The following RALGAPA1 variants were observed in gnomAD, a reference collection of about 807,000 sequenced individuals.
RALGAPA1 encodes the protein ral GTPase-activating protein subunit alpha-1.
In RALGAPA1, 52 loss-of-function variants were observed where a neutral mutation model predicts 269.6. The observed-to-expected ratio is 0.19, with a 90% confidence interval of 0.15 to 0.24. The LOEUF is 0.24. Ranked by LOEUF, RALGAPA1 falls within the 10% of genes least tolerant of loss-of-function variation. The pLI, the probability that RALGAPA1 is intolerant of heterozygous loss-of-function variation, is 1.00. For missense variants in RALGAPA1, 1,917 were observed against 3,013.9 expected (o/e 0.64, Z 8.52); for synonymous variants, 817 against 1,008.3 (o/e 0.81, Z 3.60).
chr14:35,680,029 CACAT>C (rs1241342434), intron 21 of RALGAPA1, among the ~76,000 whole-genome samples: 1 of 152,080 alleles, frequency 6.6e-6, no homozygotes, highest in African/African-American at 2.4e-5. Context: ...TTAGGACAAA[CACAT>C]ACTGCTGAAG....
intron 27 of RALGAPA1, among the ~76,000 whole-genome samples, chr14:35,664,334 A>G (rs367677348): frequency 2.0e-4 from 31 of 152,344 alleles, no homozygotes; most frequent in Middle Eastern, 3.4e-3. Context: ...TAATCTCAGA[A>G]GCTTTACATT....
intron 30 of RALGAPA1, among the ~76,000 whole-genome samples, chr14:35,652,595 G>C (rs2062907455): frequency 6.6e-6 from 1 of 151,874 alleles, no homozygotes; most frequent in South Asian, 2.1e-4. Context: ...AGTAGAGACG[G>C]AGTTTCAACA....
At chr14:35,662,691 C>G (rs1264856224) in intron 27 of RALGAPA1, among the ~76,000 whole-genome samples, 1 of 152,092 alleles carries the variant, frequency 6.6e-6, no homozygotes, top group Non-Finnish European at 1.5e-5. Flanking sequence ...CTCAAAACTG[C>G]ATTAATAAAT....
rs148431873 is a variant in RALGAPA1 at position 35,715,457 on chromosome 14, C to A, written c.2266+6231G>T. 1.9e-3 allele frequency among the ~76,000 whole-genome samples: 296 copies of A among 151,926 alleles called. 1 individual carries two copies. The highest frequency in any genetic ancestry group is 6.8e-3 in the African/African-American group (282 of 41,428). On this transcript the variant is annotated intron_variant, in intron 16 of 41. Coordinates refer to ENST00000680220, the MANE Select transcript of RALGAPA1 (RefSeq NM_001346249.2). The stretch of plus-strand genomic sequence containing the variant: ...ATTTCAAACATGGTTATTTTATAGT[C>A]TGGTTATTTATTTATTTATTCCATA...
intron 39 of RALGAPA1, among the ~76,000 whole-genome samples, chr14:35,565,071 T>C (rs1281342801): frequency 6.6e-6 from 1 of 152,144 alleles, no homozygotes. Flanking sequence ...AAATCTTTAC[T>C]GTGTAAGTGA....
At chr14:35,797,858 A>T (rs946707772) in intron 1 of RALGAPA1, among the ~76,000 whole-genome samples, 3 of 150,562 alleles carry the variant, frequency 2.0e-5, no homozygotes, top group Non-Finnish European at 3.0e-5. Context: ...AAAAAAAAAA[A>T]TAGCTAAAAG....
intron 1 of RALGAPA1, among the ~76,000 whole-genome samples, chr14:35,800,140 T>G (rs2076865994): frequency 6.6e-6 from 1 of 152,176 alleles, no homozygotes; most frequent in Non-Finnish European, 1.5e-5. Flanking sequence ...ACAATTACAG[T>G]CAGAAACTTC....
intron 14 of RALGAPA1, among the ~76,000 whole-genome samples, chr14:35,724,764 C>T (rs1441751407): frequency 2.0e-5 from 3 of 152,040 alleles, no homozygotes; most frequent in Non-Finnish European, 4.4e-5. Context: ...ATATCATTAG[C>T]CTGTTTGTTC....
At chr14:35,645,468 C>T (rs552244177) in intron 31 of RALGAPA1, among the ~76,000 whole-genome samples, 1 of 152,032 alleles carries the variant, frequency 6.6e-6, no homozygotes, top group East Asian at 1.9e-4. Context: ...CAATGGCTCA[C>T]GCCTGTAATC....
intron 14 of RALGAPA1, among the ~76,000 whole-genome samples, chr14:35,724,799 T>C (rs2069736486): frequency 6.6e-6 from 1 of 152,174 alleles, no homozygotes; most frequent in African/African-American, 2.4e-5. Flanking sequence ...ACCTCCACTC[T>C]TATACTAGGT....
intron 1 of RALGAPA1, among the ~76,000 whole-genome samples, chr14:35,805,754 G>A (rs1026326983): frequency 3.3e-4 from 48 of 146,706 alleles, no homozygotes; most frequent in Non-Finnish European, 3.0e-4. Context: ...GCGTGATCTC[G>A]ACTCACCACA....
intron 1 of RALGAPA1, among the ~76,000 whole-genome samples, chr14:35,790,238 GT>G (rs1438597910): frequency 6.6e-6 from 1 of 150,712 alleles, no homozygotes; most frequent in Non-Finnish European, 1.5e-5. Context: ...GGACGACAGA[GT>G]GAGACTCGTC....
chr14:35,801,020 A>G (rs2076928092), intron 1 of RALGAPA1, among the ~76,000 whole-genome samples: 1 of 151,714 alleles, frequency 6.6e-6, no homozygotes, highest in South Asian at 2.1e-4. Flanking sequence ...CCCGCCTCCA[A>G]AAATAAAAAA....
chr14:35,754,720 T>C (rs2073025948), intron 7 of RALGAPA1, among the ~76,000 whole-genome samples: 1 of 152,282 alleles, frequency 6.6e-6, no homozygotes, highest in Admixed American at 6.5e-5. Flanking sequence ...TGTTATTATG[T>C]CCACACAAAA....
chr14:35,685,268 A>T (rs895602126), intron 19 of RALGAPA1, 123 bp from the exon 20 acceptor site: 15 of 830,486 alleles, frequency 1.8e-5, no homozygotes, highest in Non-Finnish European at 2.4e-5. Flanking sequence ...GTAGGAGTGG[A>T]GAACACACTC....
chr14:35,589,348 A>G (rs1355086491), intron 37 of RALGAPA1, among the ~76,000 whole-genome samples: 2 of 152,170 alleles, frequency 1.3e-5, no homozygotes, highest in African/African-American at 2.4e-5. Context: ...CAACATAATG[A>G]CTATAGTTAA....
intron 4 of RALGAPA1, 139 bp from the exon 5 acceptor site, chr14:35,762,892 C>A: frequency 1.7e-6 from 1 of 601,620 alleles, no homozygotes; most frequent in Admixed American, 3.1e-5. Flanking sequence ...TATCCTTCTG[C>A]CATACTTGGG....
chr14:35,689,545 T>C lies in RALGAPA1; in HGVS notation c.2866A>G (p.Lys956Glu), dbSNP rs2066300924. ...GCTGGGTCTTTCCCTGTCTCATTTTTACTATGATTTTCCTGGTTTTCCTTA... is the reference window on the plus strand; with the variant it reads ...GCTGGGTCTTTCCCTGTCTCATTTTCACTATGATTTTCCTGGTTTTCCTTA... ...YFKENQENHS[K>E]NETGKDPASQ... is the part of the protein sequence containing the mutation. The change falls in exon 18 of 42, where the codon AAA becomes GAA. Residue 956 changes from lysine to glutamate, a missense_variant. Transcript: ENST00000680220. The C allele has an allele frequency of 1.6e-6, 2 of 1,242,070 alleles. No individual in the cohort carries two copies. The highest frequency in any genetic ancestry group is 2.0e-6 in the Non-Finnish European group (2 of 994,954). 76.9% of individuals were successfully genotyped at this position (1,242,070 alleles called of 1,614,324 possible).
At chr14:35,803,575 A>T (rs1488810415) in intron 1 of RALGAPA1, among the ~76,000 whole-genome samples, 1 of 152,192 alleles carries the variant, frequency 6.6e-6, no homozygotes, top group Admixed American at 6.5e-5. Context: ...GACTGGGGAA[A>T]AAAAAATCTT....
Sources: allele counts gnomAD v4.1 joint callset (sites outside exome capture counted in the v4.1 genomes callset), GRCh38; gene constraint gnomAD v4.1.1; transcripts MANE v1.5; gene names NCBI Gene and HGNC (gene_info 2026-07-23, HGNC 2026-07-21).